Variants in SPADH observed in about 807,000 individuals in gnomAD.
SPADH encodes the protein spermadhesin family member.
the SPADH span, among the ~76,000 whole-genome samples, chr10:122,677,358 ACT>A: frequency 1.1e-4 from 16 of 152,200 alleles, no homozygotes; most frequent in African/African-American, 3.6e-4. Flanking sequence ...CACTTTCCTG[ACT>A]CTCTGCAGAG....
the SPADH span, among the ~76,000 whole-genome samples, chr10:122,674,963 A>G: frequency 6.6e-6 from 1 of 152,236 alleles, no homozygotes; most frequent in Admixed American, 6.5e-5. Context: ...CCGCTAGATC[A>G]TAGCCTGACA....
the SPADH span, chr10:122,679,014 T>C: frequency 1.0e-6 from 1 of 985,342 alleles, no homozygotes; most frequent in Non-Finnish European, 1.2e-6. Context: ...TTCTTTGAAA[T>C]ATATTACTTT....
the SPADH span, among the ~76,000 whole-genome samples, chr10:122,676,316 C>T: frequency 7.8e-4 from 119 of 152,312 alleles, no homozygotes; most frequent in African/African-American, 2.7e-3. Context: ...ATCATTGAAC[C>T]TCAAGGAGAT....
the SPADH span, among the ~76,000 whole-genome samples, chr10:122,678,523 C>T: frequency 3.9e-5 from 6 of 152,136 alleles, no homozygotes; most frequent in Non-Finnish European, 8.8e-5. Context: ...ACTTGAAACA[C>T]AGCTGATGTT....
the SPADH span, chr10:122,676,740 G>A: frequency 5.2e-4 from 512 of 985,348 alleles, 2 homozygotes; most frequent in Non-Finnish European, 5.9e-4. Context: ...CCTGGGCCCC[G>A]TTTCTCCTCT....
the SPADH span, chr10:122,675,791 G>A: frequency 4.0e-6 from 1 of 251,192 alleles, no homozygotes; most frequent in Non-Finnish European, 6.3e-6. Flanking sequence ...TTGTCCAAAA[G>A]GACTTGGTAA....
At chr10:122,672,931 A>G in the SPADH span, 1 of 985,288 alleles carries the variant, frequency 1.0e-6, no homozygotes, top group African/African-American at 1.7e-5. Context: ...AGTATAGGTA[A>G]CGCATGGCCC....
the SPADH span, among the ~76,000 whole-genome samples, chr10:122,676,129 G>A: frequency 6.6e-6 from 1 of 152,252 alleles, no homozygotes; most frequent in African/African-American, 2.4e-5. Flanking sequence ...TGAGGATGCA[G>A]GCTAGAGGGA....
the SPADH span, among the ~76,000 whole-genome samples, chr10:122,673,179 T>C: frequency 6.6e-6 from 1 of 152,210 alleles, no homozygotes; most frequent in African/African-American, 2.4e-5. Context: ...GGTCTTGATG[T>C]GTTCTGTGAC....
chr10:122,673,191 C>T, the SPADH span, among the ~76,000 whole-genome samples: 1 of 152,208 alleles, frequency 6.6e-6, no homozygotes, highest in African/African-American at 2.4e-5. Flanking sequence ...TTCTGTGACC[C>T]TCCTTCCTGC....
chr10:122,675,773 GATA>G, the SPADH span: 1 of 313,020 alleles, frequency 3.2e-6, no homozygotes, highest in Non-Finnish European at 4.6e-6. Context: ...ACGTACCAGG[GATA>G]ATTCTTGTCC....
chr10:122,676,887 C>A, the SPADH span: 2 of 985,306 alleles, frequency 2.0e-6, no homozygotes, highest in Non-Finnish European at 2.4e-6. Context: ...CATTCCAGAC[C>A]TCAAGTGAGT....
At chr10:122,679,003 C>A in the SPADH span, 1 of 985,212 alleles carries the variant, frequency 1.0e-6, no homozygotes, top group Non-Finnish European at 1.2e-6. Context: ...ATCCACCCAC[C>A]TTCTTTGAAA....
chr10:122,674,322 C>T, the SPADH span, among the ~76,000 whole-genome samples: 1 of 152,238 alleles, frequency 6.6e-6, no homozygotes, highest in Admixed American at 6.5e-5. Flanking sequence ...ACTAGCCTCA[C>T]AGCCTGAAAG....
At chr10:122,677,612 A>AG in the SPADH span, among the ~76,000 whole-genome samples, 1 of 152,222 alleles carries the variant, frequency 6.6e-6, no homozygotes, top group Non-Finnish European at 1.5e-5. Context: ...AGATTTCAGC[A>AG]TGGAAACCAC....
At chr10:122,676,134 GAGGGAGGAGC>G in the SPADH span, among the ~76,000 whole-genome samples, 4 of 152,374 alleles carry the variant, frequency 2.6e-5, no homozygotes, top group African/African-American at 9.6e-5. Context: ...ATGCAGGCTA[GAGGGAGGAGC>G]AGTTTCTTGC....
At chr10:122,676,381 T>C in the SPADH span, among the ~76,000 whole-genome samples, 23 of 152,210 alleles carry the variant, frequency 1.5e-4, no homozygotes, top group African/African-American at 5.1e-4. Flanking sequence ...CACTGCCTAT[T>C]TGTTATTTGT....
At chr10:122,675,514 T>C in the SPADH span, 1 of 189,312 alleles carries the variant, frequency 5.3e-6, no homozygotes, top group South Asian at 1.8e-4. Flanking sequence ...CTCTGTCCCT[T>C]TGTGCTCAGC....
chr10:122,676,976 C>T, the SPADH span: 8 of 900,470 alleles, frequency 8.9e-6, no homozygotes, highest in Non-Finnish European at 1.1e-5. Flanking sequence ...GTTCACCTTC[C>T]ACCCTATCCA....
Sources: allele counts gnomAD v4.1 joint callset (sites outside exome capture counted in the v4.1 genomes callset), GRCh38; gene constraint gnomAD v4.1.1; transcripts MANE v1.5; gene names NCBI Gene and HGNC (gene_info 2026-07-23, HGNC 2026-07-21).